Variants in TEAD3 observed in about 807,000 individuals in gnomAD.
TEAD3 encodes transcriptional enhancer factor TEF-5.
TEAD3 carries 15 observed loss-of-function variants against 55.6 expected under a neutral mutation model. That is an observed-to-expected ratio of 0.27 (90% confidence interval 0.18 to 0.42). The LOEUF (loss-of-function observed/expected upper bound fraction) is 0.42, where lower values mean the gene tolerates loss of function less well. Ranked by LOEUF, TEAD3 falls within the 10% of genes least tolerant of loss-of-function variation. TEAD3 has a pLI of 1.00. For synonymous variants in TEAD3, 210 were observed against 232.2 expected (o/e 0.90, Z 0.87); for missense variants, 407 against 576.8 (o/e 0.71, Z 3.01).
intron 1 of TEAD3, among the ~76,000 whole-genome samples, chr6:35,494,057 A>T (rs759834314): frequency 9.8e-5 from 15 of 152,306 alleles, no homozygotes; most frequent in Non-Finnish European, 1.6e-4. Flanking sequence ...TCACAAAGCC[A>T]CAGTTTCTCT....
At position 35,488,233 on chromosome 6, in the gene TEAD3, A is replaced by G. The variant is rs1768429079; in HGVS notation, c.-49-1522T>C. Among the ~76,000 whole-genome samples, 1 of 152,046 alleles carries G rather than the reference A, an allele frequency of 6.6e-6. No individual in the cohort carries two copies. Among genetic ancestry groups the G allele is most frequent in the African/African-American group, 2.4e-5 (1 of 41,384 alleles). ...TCCCACTTCCTGTTCCCGCACCTCC[A>G]GGCCCCACAGCAGCCCGTAAACCAC... is the stretch of plus-strand genomic sequence containing the variant. On this transcript the variant is annotated intron_variant, in intron 1 of 12. Coordinates refer to ENST00000639578, the Ensembl canonical transcript of TEAD3. This position sits in a 1 kb window ranked among gnomAD's most constrained non-coding sequence, Gnocchi z 4.2.
At chr6:35,477,045 T>C (rs1379294948) in intron 8 of TEAD3, among the ~76,000 whole-genome samples, 2 of 152,164 alleles carry the variant, frequency 1.3e-5, no homozygotes, top group African/African-American at 4.8e-5. Flanking sequence ...GGTCTCGAAC[T>C]CCTGACCTCA....
At chr6:35,480,094 C>T in exon 4 of TEAD3, 2 of 1,539,608 alleles carry the variant, frequency 1.3e-6, no homozygotes, top group Non-Finnish European at 1.8e-6. Flanking sequence ...AGATTTCCGC[C>T]TGGCTAGAAC....
intron 7 of TEAD3, among the ~76,000 whole-genome samples, chr6:35,477,973 C>G (rs1768186663): frequency 6.6e-6 from 1 of 151,878 alleles, no homozygotes; most frequent in South Asian, 2.1e-4. Context: ...GCCTTGGCCT[C>G]CCACGTAGCT....
intron 1 of TEAD3, among the ~76,000 whole-genome samples, chr6:35,489,484 C>G (rs549438097): frequency 6.6e-6 from 1 of 152,160 alleles, no homozygotes; most frequent in Non-Finnish European, 1.5e-5. Context: ...TCCCCCTCAA[C>G]CCAAGCAACT....
chr6:35,478,903 G>A (rs1421600754), intron 5 of TEAD3, among the ~76,000 whole-genome samples: 1 of 143,254 alleles, frequency 7.0e-6, no homozygotes, highest in African/African-American at 2.6e-5. Context: ...TTTTTGAGAC[G>A]GAGTCTCGCT....
rs1350137438 is a variant in TEAD3, at chr6:35,491,893, T to G, written c.-50+5005A>C. On this transcript the variant is annotated intron_variant, in intron 1 of 12. Transcript: ENST00000639578. The surrounding 1 kb of genome is among the most constrained non-coding windows in gnomAD (Gnocchi z 4.4). ...ACAGCTCCAGGGATCAGGCTGGAGC[T>G]GGGGCCGCTGCAGAGGCCCTGGTCC... 1.3e-5 allele frequency among the ~76,000 whole-genome samples: 2 copies of G among 152,158 alleles called. No individual in the cohort carries two copies. The highest frequency in any genetic ancestry group is 4.8e-5 in the African/African-American group (2 of 41,446).
chr6:35,481,785 G>C (rs1364973041), intron 3 of TEAD3, among the ~76,000 whole-genome samples: 2 of 152,128 alleles, frequency 1.3e-5, no homozygotes, highest in Non-Finnish European at 2.9e-5. Context: ...TCACCACCAA[G>C]CTCCGTTACC....
intron 5 of TEAD3, among the ~76,000 whole-genome samples, 188 bp from the exon 6 acceptor site, chr6:35,478,759 C>T (rs901820192): frequency 6.6e-6 from 1 of 152,190 alleles, no homozygotes; most frequent in Admixed American, 6.5e-5. Context: ...TTCCTGGTCT[C>T]AGTCCCCCAA....
At chr6:35,482,804 GC>G (rs1768290619) in intron 3 of TEAD3, among the ~76,000 whole-genome samples, 1 of 152,092 alleles carries the variant, frequency 6.6e-6, no homozygotes, top group African/African-American at 2.4e-5. Context: ...GTGACCCTTG[GC>G]CCGTTCCCAC....
In TEAD3 at chr6:35,486,618, G is replaced by T; in HGVS notation, c.45C>A (p.Ala15=). The T allele has an allele frequency of 6.2e-7, 1 of 1,613,194 alleles. No homozygotes were observed. The highest frequency in any genetic ancestry group is 8.5e-7 in the Non-Finnish European group (1 of 1,179,772). Residue 15 remains alanine (A), a synonymous_variant, in exon 2 of 13, where the codon GCC becomes GCA. Coordinates refer to ENST00000639578, the Ensembl canonical transcript of TEAD3. This position sits in a 1 kb window ranked among gnomAD's most constrained non-coding sequence, Gnocchi z 7.3. ...CCAGGCCCTCGGGCCCATCCTCCCG[G>T]GCCTCCCCGGGGCTGCTGCTGGCGT...
chr6:35,474,928 TG>T, exon 13 of TEAD3: 2 of 857,682 alleles, frequency 2.3e-6, no homozygotes, highest in Non-Finnish European at 3.6e-6. Flanking sequence ...TCCTGGGTCC[TG>T]GGCCTGAGGC....
At chr6:35,479,679 C>T (rs979934532) in intron 4 of TEAD3, among the ~76,000 whole-genome samples, 1 of 152,188 alleles carries the variant, frequency 6.6e-6, no homozygotes, top group African/African-American at 2.4e-5. Context: ...GTCATGAACC[C>T]CAGACTCTGA....
chr6:35,473,925 G>A (rs917229921), downstream of TEAD3: 31 of 152,368 alleles, frequency 2.0e-4, no homozygotes, highest in African/African-American at 7.0e-4. Flanking sequence ...AGCTGGCTCT[G>A]GGGGCCTGGG....
Position 35,484,622 on chromosome 6 carries a change from G to T in TEAD3, c.205C>A (p.Arg69=). ...ATATAGCGTGCAATCAACTCATTTC[G>T]GCCTAGATTGGGGTGAGAGAGAAAA... The change falls in exon 3 of 13, where the codon CGA becomes AGA. Residue 69 remains arginine (R), a splice_region_variant and synonymous_variant. Coordinates refer to ENST00000639578, the Ensembl canonical transcript of TEAD3. This position sits in a 1 kb window ranked among gnomAD's most constrained non-coding sequence, Gnocchi z 5.8. 6.3e-7 allele frequency: 1 copy of T among 1,595,112 alleles called. No individual in the cohort carries two copies.
Position 35,488,709 on chromosome 6 carries a change from C to T in TEAD3, c.-49-1998G>A, listed in dbSNP as rs1342270569. On this transcript the variant is annotated intron_variant, in intron 1 of 12. Coordinates refer to ENST00000639578, the Ensembl canonical transcript of TEAD3. The surrounding 1 kb of genome is among the most constrained non-coding windows in gnomAD (Gnocchi z 4.2). ...AGCCAGTTATTCGGTTATTTTTTTT[C>T]TTTTTTAAATTTTTTATTTGTTTTT... 6.6e-6 allele frequency among the ~76,000 whole-genome samples: 1 copy of T among 152,044 alleles called. No homozygotes were observed. Among genetic ancestry groups the T allele is most frequent in the African/African-American group, 2.4e-5 (1 of 41,506 alleles).
intron 4 of TEAD3, among the ~76,000 whole-genome samples, chr6:35,479,753 C>T (rs1235871424): frequency 2.0e-5 from 3 of 152,256 alleles, no homozygotes; most frequent in Admixed American, 6.5e-5. Context: ...ATAGCCCTGC[C>T]GGCCAGTAGC....
Sources: allele counts gnomAD v4.1 joint callset (sites outside exome capture counted in the v4.1 genomes callset), GRCh38; gene constraint gnomAD v4.1.1; non-coding constraint Gnocchi (gnomAD v3.1); transcripts MANE v1.5; gene names NCBI Gene and HGNC (gene_info 2026-07-23, HGNC 2026-07-21).